Variants in GLP2R observed in about 807,000 individuals in gnomAD.
The protein encoded by GLP2R is glucagon like peptide 2 receptor, also known as glucagon-like peptide 2 receptor.
GLP2R carries 59 observed loss-of-function variants against 68.2 expected under a neutral mutation model. The ratio of observed to expected loss-of-function variants is 0.87; its 90% CI spans 0.70 to 1.07. GLP2R has a LOEUF of 1.07. Ranked by LOEUF, GLP2R falls within the 50% of genes least tolerant of loss-of-function variation. The probability of loss-of-function intolerance (pLI) is 0.00; values close to 1 mark genes in which losing one functional copy is unlikely to be tolerated. For synonymous variants in GLP2R, 270 were observed against 265.4 expected (o/e 1.02, Z -0.17); for missense variants, 548 against 677.4 (o/e 0.81, Z 2.12).
chr17:9,867,693 A>G (rs2067052001), intron 9 of GLP2R, among the ~76,000 whole-genome samples: 1 of 152,192 alleles, frequency 6.6e-6, no homozygotes, highest in East Asian at 1.9e-4. Context: ...CATTCTATCC[A>G]TACCCTGCAC....
At chr17:9,869,474 C>T (rs1394293922) in intron 9 of GLP2R, among the ~76,000 whole-genome samples, 1 of 152,224 alleles carries the variant, frequency 6.6e-6, no homozygotes, top group Non-Finnish European at 1.5e-5. Flanking sequence ...CAAACCCAGC[C>T]ACCTGCTTTT....
chr17:9,884,568 C>T (rs1020225687), intron 11 of GLP2R, among the ~76,000 whole-genome samples: 2 of 152,124 alleles, frequency 1.3e-5, no homozygotes, highest in African/African-American at 4.8e-5. Flanking sequence ...ATATACCAGA[C>T]AGGGTCAAGT....
In GLP2R at chr17:9,872,546, C is replaced by T. The variant is rs141732939; in HGVS notation, c.1145+1711C>T. Among the ~76,000 whole-genome samples, 230 of 152,300 alleles carry T rather than the reference C, an allele frequency of 1.5e-3. 2 individuals carry two copies. The highest frequency in any genetic ancestry group is 5.2e-3 in the African/African-American group (217 of 41,558). On this transcript the variant is annotated intron_variant, in intron 10 of 12. Transcript: ENST00000262441. ...AAGCCGAGATCGTGCCATTGTACTCCGGCCTGGGTGACAAGAGCAAAACTC... is the reference window on the plus strand; with the variant it reads ...AAGCCGAGATCGTGCCATTGTACTCTGGCCTGGGTGACAAGAGCAAAACTC...
At chr17:9,830,643 C>T (rs2066672062) in intron 1 of GLP2R, among the ~76,000 whole-genome samples, 1 of 152,188 alleles carries the variant, frequency 6.6e-6, no homozygotes, top group Non-Finnish European at 1.5e-5. Context: ...TGTGAACTCA[C>T]AGGGGTGCTA....
At chr17:9,860,262 C>A (rs2066976098) in intron 7 of GLP2R, among the ~76,000 whole-genome samples, 161 bp downstream of exon 7, 1 of 152,178 alleles carries the variant, frequency 6.6e-6, no homozygotes, top group Non-Finnish European at 1.5e-5. Context: ...TGTGTGCACA[C>A]AAATGCACAC....
intron 4 of GLP2R, among the ~76,000 whole-genome samples, chr17:9,847,419 G>A (rs1042747896): frequency 6.6e-6 from 1 of 151,990 alleles, no homozygotes; most frequent in Non-Finnish European, 1.5e-5. Flanking sequence ...ACAGGGGCAC[G>A]CTGCCACACC....
In GLP2R at chr17:9,891,679, A is replaced by G. The variant is rs17744048; in HGVS notation, c.*1974A>G. 29,394 of 152,270 alleles carry G rather than the reference A, an allele frequency of 0.19. 3,753 individuals carry two copies. The highest frequency in any genetic ancestry group is 0.29 in the Non-Finnish European group (19,703 of 68,008). The allele number at this position is 152,270 out of a possible 1,614,324, so 9.4% of individuals were successfully genotyped here. ...CTGGTTTTAGGATGGGGATGGAGGC[A>G]AAGGCATCAGGCAAGTAATGAAGCA... On this transcript the variant is annotated 3_prime_UTR_variant, in exon 13 of 13. Transcript: ENST00000262441.
rs892504867 is a variant in GLP2R, at chr17:9,890,064, A to G, written c.*359A>G. 2.2e-6 allele frequency: 1 copy of G among 463,944 alleles called. No homozygotes were observed. The highest frequency in any genetic ancestry group is 4.3e-6 in the Non-Finnish European group (1 of 232,152). 28.7% of individuals were successfully genotyped at this position (463,944 alleles called of 1,614,324 possible). On this transcript the variant is annotated 3_prime_UTR_variant, in exon 13 of 13. Transcript: ENST00000262441. ...TCTCTTCCTTTATCCCTTGGGGTGC[A>G]TGCTTTCCATCTGAGGTTGGGTTTA...
chr17:9,854,955 A>G (rs544699062), intron 5 of GLP2R, among the ~76,000 whole-genome samples: 2 of 152,304 alleles, frequency 1.3e-5, no homozygotes, highest in South Asian at 2.1e-4. Flanking sequence ...TGTGATGATC[A>G]AGGAATGGAG....
intron 7 of GLP2R, 42 bp from the exon 8 acceptor site, chr17:9,861,097 C>T: frequency 6.5e-7 from 1 of 1,539,046 alleles, no homozygotes; most frequent in Non-Finnish European, 9.0e-7. Flanking sequence ...GCAGGTTTGG[C>T]CAACCAACTC....
intron 10 of GLP2R, among the ~76,000 whole-genome samples, chr17:9,877,957 G>C (rs974524734): frequency 5.3e-5 from 8 of 150,806 alleles, no homozygotes; most frequent in Admixed American, 2.6e-4. Context: ...CTAATTTTCT[G>C]TAAATCTAAA....
Position 9,880,429 on chromosome 17 carries a change from C to G in GLP2R, c.1197C>G (p.Ile399Met), listed in dbSNP as rs868216529. ...VLIPLLGVHE[I>M]LFSFITDDQV... ...TTCCTTTATTGGGCGTTCATGAGAT[C>G]CTCTTCTCTTTCATCACTGATGATC... The change falls in exon 11 of 13, where the codon ATC becomes ATG. Residue 399 changes from isoleucine (I) to methionine (M), a missense_variant. Transcript: ENST00000262441. The G allele has an allele frequency of 6.2e-7, 1 of 1,600,938 alleles. No individual in the cohort carries two copies. The highest frequency in any genetic ancestry group is 1.3e-5 in the African/African-American group (1 of 74,686).
chr17:9,870,926 C>G (rs2067087070), intron 10 of GLP2R, 91 bp downstream of exon 10: 3 of 731,822 alleles, frequency 4.1e-6, no homozygotes, highest in Non-Finnish European at 7.5e-6. Flanking sequence ...ACATTTATCT[C>G]CTAAGGCCAG....
At chr17:9,852,827 C>T in intron 4 of GLP2R, 1 of 319,816 alleles carries the variant, frequency 3.1e-6, no homozygotes, top group South Asian at 3.4e-5. Context: ...TCATCATCAT[C>T]ATCTTCTCCA....
chr17:9,877,693 C>T (rs895348753), intron 10 of GLP2R, among the ~76,000 whole-genome samples: 2 of 151,700 alleles, frequency 1.3e-5, no homozygotes, highest in African/African-American at 2.4e-5. Flanking sequence ...ATCGAGACCA[C>T]GGTGAAATCC....
intron 6 of GLP2R, among the ~76,000 whole-genome samples, chr17:9,858,194 A>G (rs951030155): frequency 5.9e-5 from 9 of 152,216 alleles, no homozygotes; most frequent in African/African-American, 2.2e-4. Context: ...CAATCCCCCA[A>G]GGATACTGAG....
At position 9,839,173 on chromosome 17, in the gene GLP2R, T is replaced by C. The variant is rs546089256; in HGVS notation, c.382+2698T>C. 2.6e-5 allele frequency among the ~76,000 whole-genome samples: 4 copies of C among 152,238 alleles called. No individual in the cohort carries two copies. In the East Asian group the frequency reaches 5.8e-4, roughly 22 times the overall value. On this transcript the variant is annotated intron_variant, in intron 3 of 12. Coordinates refer to ENST00000262441, the MANE Select transcript of GLP2R (RefSeq NM_004246.3). ...GAATGACATTGAGAGCATGCAGCTA[T>C]TGGACACAGGAATGGAGGAACCAAG... is the stretch of plus-strand genomic sequence containing the variant.
intron 9 of GLP2R, among the ~76,000 whole-genome samples, chr17:9,867,612 T>C (rs1212421833): frequency 6.6e-6 from 1 of 152,188 alleles, no homozygotes. Flanking sequence ...CAGCCCTCAG[T>C]AGAATATTGG....
intron 2 of GLP2R, among the ~76,000 whole-genome samples, chr17:9,835,925 G>C (rs940484435): frequency 4.0e-5 from 6 of 151,646 alleles, no homozygotes; most frequent in African/African-American, 1.5e-4. Flanking sequence ...TGTAGTCCTA[G>C]CTACTCGGGA....
Sources: allele counts gnomAD v4.1 joint callset (sites outside exome capture counted in the v4.1 genomes callset), GRCh38; gene constraint gnomAD v4.1.1; transcripts MANE v1.5; gene names NCBI Gene and HGNC (gene_info 2026-07-23, HGNC 2026-07-21).